C5orf63: variants seen among roughly 807,000 people sequenced by gnomAD.
C5orf63 encodes glutaredoxin-like protein C5orf63.
In C5orf63, 18 loss-of-function variants were observed where a neutral mutation model predicts 13.3. The ratio of observed to expected loss-of-function variants is 1.36; its 90% CI spans 0.94 to 2.01. The LOEUF (loss-of-function observed/expected upper bound fraction) is 2.01. Among genes scored for constraint, C5orf63 ranks in the 30% most tolerant of loss-of-function variants. The pLI, the probability that C5orf63 is intolerant of heterozygous loss-of-function variation, is 0.00. For missense variants in C5orf63, 118 were observed against 127.7 expected (o/e 0.92, Z 0.36); for synonymous variants, 38 against 44.7 (o/e 0.85, Z 0.60).
At chr5:127,052,802 T>A in intron 3 of C5orf63, 133 bp from the exon 4 acceptor site, 1 of 540,558 alleles carries the variant, frequency 1.8e-6, no homozygotes, top group Admixed American at 4.0e-5. Context: ...ACCATGTTAG[T>A]TACACTGCTT....
At chr5:127,047,541 T>G (rs776661049), downstream of C5orf63, 33 of 574,772 alleles carry the variant, frequency 5.7e-5, no homozygotes, top group Non-Finnish European at 9.9e-5. Context: ...AATTGATGAG[T>G]AAGTTTATTG....
In C5orf63 at chr5:127,057,592, T is replaced by C. The variant is rs138412469; in HGVS notation, c.114+1290A>G. Among the ~76,000 whole-genome samples, 63 of 152,366 alleles carry C rather than the reference T, an allele frequency of 4.1e-4. 1 individual carries two copies. The highest frequency in any genetic ancestry group is 3.5e-3 in the Admixed American group (53 of 15,302). On this transcript the variant is annotated intron_variant, in intron 3 of 4. Coordinates refer to ENST00000296662, the MANE Select transcript of C5orf63 (RefSeq NM_001164478.2). ...ATTCCATATTTATGAATTTGCCTAA[T>C]TGCTAAAACTTCCTTGCAACCCCCA...
At chr5:127,056,018 A>ACCC (rs1265328311) in intron 3 of C5orf63, among the ~76,000 whole-genome samples, 2 of 152,154 alleles carry the variant, frequency 1.3e-5, no homozygotes, top group African/African-American at 4.8e-5. Context: ...CTTGTTATTT[A>ACCC]CTCTGTCCCT....
At chr5:127,047,642 A>C, downstream of C5orf63, 1 of 694,690 alleles carries the variant, frequency 1.4e-6, no homozygotes, top group Non-Finnish European at 2.6e-6. Context: ...GTCTCCCTCT[A>C]TTCCTATATA....
At chr5:127,054,452 A>G (rs1753800840) in intron 3 of C5orf63, among the ~76,000 whole-genome samples, 1 of 152,082 alleles carries the variant, frequency 6.6e-6, no homozygotes, top group South Asian at 2.1e-4. Context: ...ATGGTATCTC[A>G]TTGTGGTTTT....
chr5:127,064,284 A>G (rs967459625), intron 2 of C5orf63, among the ~76,000 whole-genome samples: 2 of 152,218 alleles, frequency 1.3e-5, no homozygotes, highest in African/African-American at 4.8e-5. Context: ...GAACAGAAAC[A>G]GGGAGTGAGG....
intron 2 of C5orf63, among the ~76,000 whole-genome samples, chr5:127,059,976 C>A (rs1032072721): frequency 6.6e-6 from 1 of 151,774 alleles, no homozygotes; most frequent in Non-Finnish European, 1.5e-5. Context: ...CCTGTCTCTA[C>A]TAAAAATACA....
At chr5:127,048,566 C>A (rs1267410070), downstream of C5orf63, among the ~76,000 whole-genome samples, 1 of 151,804 alleles carries the variant, frequency 6.6e-6, no homozygotes, top group Non-Finnish European at 1.5e-5. Context: ...ATCCTCTCTC[C>A]CAGGTCTATA....
intron 2 of C5orf63, among the ~76,000 whole-genome samples, chr5:127,066,626 G>C (rs1342807133): frequency 6.6e-6 from 1 of 152,076 alleles, no homozygotes; most frequent in African/African-American, 2.4e-5. Flanking sequence ...AGCTCGGTTA[G>C]GGACATGTCA....
chr5:127,073,362 G>C (rs1383641778), intron 1 of C5orf63, 89 bp downstream of exon 1: 1 of 152,252 alleles, frequency 6.6e-6, no homozygotes, highest in Non-Finnish European at 1.5e-5. Context: ...GGCAGCACGC[G>C]GCACAGCGAA....
intron 3 of C5orf63, among the ~76,000 whole-genome samples, chr5:127,053,574 C>A (rs1394379569): frequency 6.6e-6 from 1 of 152,138 alleles, no homozygotes; most frequent in African/African-American, 2.4e-5. Flanking sequence ...CTAATGCTAT[C>A]CCTCCCTGCT....
At chr5:127,053,252 C>T (rs1242925425) in intron 3 of C5orf63, among the ~76,000 whole-genome samples, 1 of 152,154 alleles carries the variant, frequency 6.6e-6, no homozygotes, top group Non-Finnish European at 1.5e-5. Context: ...GTTTCCTGGA[C>T]AAATTCTCCA....
intron 2 of C5orf63, among the ~76,000 whole-genome samples, chr5:127,068,863 G>A (rs557781300): frequency 6.6e-6 from 1 of 152,174 alleles, no homozygotes; most frequent in East Asian, 1.9e-4. Flanking sequence ...AGTAATGTAC[G>A]CTCACCATAT....
intron 3 of C5orf63, among the ~76,000 whole-genome samples, chr5:127,054,200 G>C (rs1022528272): frequency 2.6e-5 from 4 of 152,032 alleles, no homozygotes; most frequent in African/African-American, 9.7e-5. Flanking sequence ...GTCCACAGAA[G>C]TCTATGCAAA....
At chr5:127,045,285 T>C (rs1753497548) in exon 5 of C5orf63, 1 of 152,216 alleles carries the variant, frequency 6.6e-6, no homozygotes, top group South Asian at 2.1e-4. Flanking sequence ...TTCACAGAAC[T>C]AAAGTAAACG....
At chr5:127,072,973 T>A (rs894433592) in intron 1 of C5orf63, 1 of 152,224 alleles carries the variant, frequency 6.6e-6, no homozygotes, top group Non-Finnish European at 1.5e-5. Flanking sequence ...GCACTCACAA[T>A]GTTCCCTGCT....
intron 4 of C5orf63, 26 bp downstream of exon 4, chr5:127,052,587 A>G: frequency 2.1e-6 from 3 of 1,422,726 alleles, no homozygotes; most frequent in Non-Finnish European, 2.7e-6. Flanking sequence ...ATCCATATAC[A>G]TAAAAGCCAC....
chr5:127,042,896 T>G (rs570221942), downstream of C5orf63: 29 of 152,320 alleles, frequency 1.9e-4, no homozygotes, highest in African/African-American at 5.1e-4. Flanking sequence ...TAGTTTTTTT[T>G]CAATGTTCAG....
downstream of C5orf63, among the ~76,000 whole-genome samples, chr5:127,049,354 T>C (rs1044549088): frequency 6.6e-6 from 1 of 152,196 alleles, no homozygotes; most frequent in African/African-American, 2.4e-5. Flanking sequence ...TGCTGTGTCC[T>C]TCCACACCCT....
Sources: gnomAD v4.1 joint callset for allele counts (sites outside exome capture counted in the v4.1 genomes callset) on GRCh38, gnomAD v4.1.1 for gene constraint, MANE v1.5 for transcripts, NCBI Gene and HGNC (gene_info 2026-07-23, HGNC 2026-07-21) for gene names.